CPA6: variants seen among roughly 807,000 people sequenced by gnomAD.
CPA6 encodes carboxypeptidase A6.
A neutral mutation model predicts 63.3 loss-of-function variants in CPA6; 58 were observed. The ratio of observed to expected loss-of-function variants is 0.92; its 90% CI spans 0.74 to 1.14. The LOEUF (loss-of-function observed/expected upper bound fraction) is 1.14, where lower values mean the gene tolerates loss of function less well. CPA6 is among the 50% of genes most tolerant of loss of function. The probability of loss-of-function intolerance (pLI) is 0.00; values close to 1 mark genes in which losing one functional copy is unlikely to be tolerated. For synonymous variants in CPA6, 185 were observed against 179.0 expected (o/e 1.03, Z -0.27); for missense variants, 565 against 526.6 (o/e 1.07, Z -0.71).
chr8:67,429,993 A>G (rs1809984350), intron 9 of CPA6, among the ~76,000 whole-genome samples: 1 of 152,044 alleles, frequency 6.6e-6, no homozygotes, highest in Non-Finnish European at 1.5e-5. Context: ...ATTATTTTCC[A>G]GGGGGCCACA....
At chr8:67,498,044 C>T (rs1811758303) in intron 6 of CPA6, among the ~76,000 whole-genome samples, 1 of 152,154 alleles carries the variant, frequency 6.6e-6, no homozygotes, top group Admixed American at 6.5e-5. Context: ...GCTGTCTATT[C>T]TCTTTGTTCC....
At chr8:67,667,534 T>A (rs1409799398) in intron 1 of CPA6, among the ~76,000 whole-genome samples, 9 of 152,202 alleles carry the variant, frequency 5.9e-5, no homozygotes, top group Non-Finnish European at 1.3e-4. Context: ...AGCTGTTAAT[T>A]TTAAAGCTTA....
intron 2 of CPA6, among the ~76,000 whole-genome samples, chr8:67,526,100 T>C (rs1277260439): frequency 6.6e-6 from 1 of 152,200 alleles, no homozygotes; most frequent in African/African-American, 2.4e-5. Flanking sequence ...ACAGGCAATC[T>C]CAGTGAGAGA....
chr8:67,434,017 T>C (rs1286458975), intron 9 of CPA6, 21 bp downstream of exon 9: 7 of 1,571,398 alleles, frequency 4.5e-6, no homozygotes, highest in Non-Finnish European at 6.1e-6. Flanking sequence ...CTGATGTACA[T>C]GCACAGGGTC....
At position 67,434,176 on chromosome 8, in the gene CPA6, C is replaced by T. The variant is rs138279913; in HGVS notation, c.903G>A (p.Pro301=). ...GGAAGTTAGCTACAGCCTTCACTTC[C>T]GGCTCAGATTCTGGAAAAGGGCCAC... ...TYCGPFPESE[P]EVKAVANFLR... Residue 301 remains proline (P), a synonymous_variant, in exon 9 of 11, where the codon CCG becomes CCA. Coordinates refer to ENST00000297770, the MANE Select transcript of CPA6 (RefSeq NM_020361.5). 4.6e-5 allele frequency: 74 copies of T among 1,613,988 alleles called. No individual in the cohort carries two copies. The highest frequency in any genetic ancestry group is 2.9e-4 in the South Asian group (26 of 91,080).
At chr8:67,712,484 G>A (rs750559438) in intron 1 of CPA6, among the ~76,000 whole-genome samples, 4 of 152,010 alleles carry the variant, frequency 2.6e-5, no homozygotes, top group Non-Finnish European at 5.9e-5. Flanking sequence ...GACAGTATTT[G>A]CACACAAGCA....
intron 2 of CPA6, among the ~76,000 whole-genome samples, chr8:67,592,176 T>C (rs1457022879): frequency 6.6e-6 from 1 of 152,262 alleles, no homozygotes; most frequent in Non-Finnish European, 1.5e-5. Context: ...TCTGTTTATA[T>C]GCTGGATTAC....
chr8:67,444,473 G>A (rs1160758207), intron 8 of CPA6, among the ~76,000 whole-genome samples: 1 of 151,948 alleles, frequency 6.6e-6, no homozygotes, highest in African/African-American at 2.4e-5. Flanking sequence ...AAGATGTGGG[G>A]GTCATTATCA....
chr8:67,671,777 C>T (rs1816348577), intron 1 of CPA6, among the ~76,000 whole-genome samples: 1 of 152,162 alleles, frequency 6.6e-6, no homozygotes, highest in East Asian at 1.9e-4. Context: ...TGCTTATGTA[C>T]TCCCAAAATA....
At chr8:67,468,961 G>A (rs1468926681) in intron 8 of CPA6, among the ~76,000 whole-genome samples, 2 of 152,056 alleles carry the variant, frequency 1.3e-5, no homozygotes, top group African/African-American at 2.4e-5. Context: ...TGCATCCTTT[G>A]CTTTATTCAC....
chr8:67,606,934 T>C (rs963952609), intron 2 of CPA6, among the ~76,000 whole-genome samples: 1 of 152,208 alleles, frequency 6.6e-6, no homozygotes. Context: ...AATTTTATTT[T>C]ATTTTATATT....
rs138117564 is a variant in CPA6, at chr8:67,502,555, G to A, written c.636+4232C>T. Among the ~76,000 whole-genome samples the A allele has an allele frequency of 3.9e-3, 599 of 151,874 alleles. 3 individuals are homozygous for A. Among genetic ancestry groups the A allele is most frequent in the African/African-American group, 0.014 (577 of 41,380 alleles). On this transcript the variant is annotated intron_variant, in intron 6 of 10. Coordinates refer to ENST00000297770, the MANE Select transcript of CPA6 (RefSeq NM_020361.5). Reference sequence around the variant, plus strand: ...TTGGGTTTATTTTCTATTTTTCTAGGTCATTGAAGGAAGAGCTTATTGTTT... The same window carrying A: ...TTGGGTTTATTTTCTATTTTTCTAGATCATTGAAGGAAGAGCTTATTGTTT...
At chr8:67,455,663 C>CAAAAAAAAAAAAAAAAAAAAAA (rs552041509) in intron 8 of CPA6, among the ~76,000 whole-genome samples, 1 of 30,250 alleles carries the variant, frequency 3.3e-5, no homozygotes, top group Non-Finnish European at 5.2e-5. Context: ...TCTACAAAAG[C>CAAAAAAAAAAAAAAAAAAAAAA]AAAAAAAAAA....
chr8:67,466,702 A>G (rs1280826653), intron 8 of CPA6, among the ~76,000 whole-genome samples: 1 of 152,068 alleles, frequency 6.6e-6, no homozygotes, highest in Non-Finnish European at 1.5e-5. Flanking sequence ...TTCTGTGTTA[A>G]TTTTGTTGTT....
intron 1 of CPA6, among the ~76,000 whole-genome samples, chr8:67,652,260 T>A (rs1285174920): frequency 6.6e-6 from 1 of 152,218 alleles, no homozygotes; most frequent in Admixed American, 6.5e-5. Context: ...ATATACCCAG[T>A]AATGGAATGG....
intron 8 of CPA6, among the ~76,000 whole-genome samples, chr8:67,445,401 T>G (rs1810388989): frequency 6.6e-6 from 1 of 152,220 alleles, no homozygotes; most frequent in Non-Finnish European, 1.5e-5. Context: ...ATTTCCTGTT[T>G]TCTTCAAATG....
chr8:67,644,717 T>C (rs1815677267), intron 1 of CPA6, among the ~76,000 whole-genome samples: 1 of 152,174 alleles, frequency 6.6e-6, no homozygotes, highest in Non-Finnish European at 1.5e-5. Flanking sequence ...CAGACTCTTG[T>C]TGGCTTGCAC....
intron 8 of CPA6, among the ~76,000 whole-genome samples, chr8:67,437,758 T>C (rs941947277): frequency 6.6e-6 from 1 of 151,744 alleles, no homozygotes; most frequent in Non-Finnish European, 1.5e-5. Flanking sequence ...CTAGAAGGCA[T>C]GGGGAAGAGT....
intron 2 of CPA6, among the ~76,000 whole-genome samples, chr8:67,606,162 T>A (rs1339508203): frequency 8.2e-6 from 1 of 121,962 alleles, no homozygotes; most frequent in Admixed American, 1.1e-4. Context: ...AAGGGGAACA[T>A]CACACTCTGG....
Sources: gnomAD v4.1 joint callset for allele counts (sites outside exome capture counted in the v4.1 genomes callset) on GRCh38, gnomAD v4.1.1 for gene constraint, MANE v1.5 for transcripts, NCBI Gene and HGNC (gene_info 2026-07-23, HGNC 2026-07-21) for gene names.